Variants in PCDHGA1 observed in about 807,000 individuals in gnomAD.
PCDHGA1 encodes protocadherin gamma subfamily A, 1.
Under a neutral mutation model 58.0 loss-of-function variants are expected in PCDHGA1, and 32 were observed. That is an observed-to-expected ratio of 0.55 (90% CI 0.42 to 0.74). The LOEUF (loss-of-function observed/expected upper bound fraction) is 0.74. PCDHGA1 is among the 30% of genes least tolerant of loss of function. The pLI is 0.00. For synonymous variants in PCDHGA1, 498 were observed against 501.1 expected, an observed-to-expected ratio of 0.99 and a Z score of 0.08; for missense variants, 1,205 against 1,182.3, an observed-to-expected ratio of 1.02 and a Z score of -0.28.
At position 141,485,398 on chromosome 5, in the gene PCDHGA1, C is replaced by T. The variant is rs906016330; in HGVS notation, c.2422-9409C>T. The T allele has an allele frequency of 1.3e-5, 21 of 1,614,044 alleles. No individual in the cohort carries two copies. The highest frequency in any genetic ancestry group is 1.8e-5 in the Non-Finnish European group (21 of 1,179,928). On this transcript the variant is annotated intron_variant, in intron 1 of 3. Coordinates refer to ENST00000517417, the MANE Select transcript of PCDHGA1 (RefSeq NM_018912.3). This position sits in a 1 kb window ranked among gnomAD's most constrained non-coding sequence, Gnocchi z 5.7. ...CTGGAGAGGTGAACCAAAGACACTT[C>T]CGTGTGGATTTGGACAGCGGAGCCC...
chr5:141,398,740 CAG>C (rs759927246), intron 1 of PCDHGA1: 11 of 1,613,746 alleles, frequency 6.8e-6, no homozygotes, highest in Non-Finnish European at 1.7e-6. Context: ...CCGGGAACAA[CAG>C]AGTTACCATC....
intron 1 of PCDHGA1, chr5:141,340,026 C>A: frequency 6.2e-7 from 1 of 1,614,162 alleles, no homozygotes; most frequent in Non-Finnish European, 8.5e-7. Flanking sequence ...ATGACATCTG[C>A]TACTAGCTCA....
chr5:141,506,177 G>T (rs1024892091), intron 3 of PCDHGA1, among the ~76,000 whole-genome samples: 4 of 152,142 alleles, frequency 2.6e-5, no homozygotes, highest in African/African-American at 9.7e-5. Context: ...TAAGCTGGGC[G>T]TGGTGGCTCA....
intron 1 of PCDHGA1, chr5:141,403,457 A>G: frequency 6.2e-7 from 1 of 1,613,982 alleles, no homozygotes; most frequent in Non-Finnish European, 8.5e-7. Context: ...CTCCCTCCAG[A>G]GCTACCAGCT....
intron 1 of PCDHGA1, chr5:141,344,754 A>G (rs1365103964): frequency 6.2e-7 from 1 of 1,613,796 alleles, no homozygotes; most frequent in Non-Finnish European, 8.5e-7. Flanking sequence ...CAACCCACCA[A>G]TGTTTACTCA....
At chr5:141,339,786 GCTACTACGC>G in intron 1 of PCDHGA1, 1 of 1,614,200 alleles carries the variant, frequency 6.2e-7, no homozygotes, top group Non-Finnish European at 8.5e-7. Flanking sequence ...GCAGATGAGG[GCTACTACGC>G]TCAAGTGGTA....
At position 141,432,783 on chromosome 5, in the gene PCDHGA1, T is replaced by G; in HGVS notation, c.2422-62024T>G. The G allele has an allele frequency of 6.2e-7, 1 of 1,614,118 alleles. No individual in the cohort carries two copies. On this transcript the variant is annotated intron_variant, in intron 1 of 3. Transcript: ENST00000517417. The surrounding 1 kb of genome is among the most constrained non-coding windows in gnomAD (Gnocchi z 6.0). ...AGCATCCCCCAAGTCCTGGCGGACC[T>G]CGGCAGCCTCGAGTCTCCAGCTAAC...
At chr5:141,373,374 A>C (rs548052832) in intron 1 of PCDHGA1, among the ~76,000 whole-genome samples, 1 of 152,352 alleles carries the variant, frequency 6.6e-6, no homozygotes, top group African/African-American at 2.4e-5. Flanking sequence ...GAATTGGTTC[A>C]AAATGTGTTT....
At chr5:141,392,980 C>T (rs1327544903) in intron 1 of PCDHGA1, 1 of 1,613,716 alleles carries the variant, frequency 6.2e-7, no homozygotes, top group Non-Finnish European at 8.5e-7. Context: ...GGGCTGGACC[C>T]CCGGAAGCTG....
At chr5:141,365,095 A>G in intron 1 of PCDHGA1, 2 of 1,613,810 alleles carry the variant, frequency 1.2e-6, no homozygotes, top group Non-Finnish European at 1.7e-6. Context: ...CAGAGAACAT[A>G]CCTGTGGGCA....
chr5:141,481,676 G>T (rs975849679), intron 1 of PCDHGA1, among the ~76,000 whole-genome samples: 1 of 152,028 alleles, frequency 6.6e-6, no homozygotes, highest in Non-Finnish European at 1.5e-5. Flanking sequence ...AAATCAGGCC[G>T]GGCCTGGTGG....
At chr5:141,384,058 C>T (rs1246180478) in intron 1 of PCDHGA1, 2 of 1,609,504 alleles carry the variant, frequency 1.2e-6, no homozygotes, top group Non-Finnish European at 1.7e-6. Context: ...CTGCACCATT[C>T]CAGAAAACCT....
intron 1 of PCDHGA1, among the ~76,000 whole-genome samples, chr5:141,405,840 A>G (rs1005736499): frequency 6.6e-6 from 1 of 152,188 alleles, no homozygotes; most frequent in African/African-American, 2.4e-5. Flanking sequence ...GTATAAGTTG[A>G]TATCAGTGTG....
chr5:141,342,305 C>T (rs986189141), intron 1 of PCDHGA1: 1 of 152,144 alleles, frequency 6.6e-6, no homozygotes, highest in African/African-American at 2.4e-5. Flanking sequence ...GTTCCCAATC[C>T]CTCACCCAAT....
chr5:141,443,561 C>T (rs1487096752), intron 1 of PCDHGA1, among the ~76,000 whole-genome samples: 3 of 152,118 alleles, frequency 2.0e-5, no homozygotes, highest in Non-Finnish European at 1.5e-5. Context: ...AATTCAAATG[C>T]TTTAAATGGA....
intron 2 of PCDHGA1, among the ~76,000 whole-genome samples, chr5:141,496,406 G>C (rs1485949584): frequency 6.6e-6 from 1 of 152,160 alleles, no homozygotes; most frequent in African/African-American, 2.4e-5. Flanking sequence ...CTCAATGGTT[G>C]AGTACTTGCT....
intron 1 of PCDHGA1, chr5:141,365,502 C>A (rs373907411): frequency 7.6e-5 from 122 of 1,613,800 alleles, no homozygotes; most frequent in Admixed American, 1.3e-4. Context: ...AGGAATTTGC[C>A]TTTTAAATTG....
chr5:141,411,184 G>A (rs1478666914), intron 1 of PCDHGA1: 1 of 152,108 alleles, frequency 6.6e-6, no homozygotes, highest in Admixed American at 6.6e-5. Context: ...AGTGGTCTTG[G>A]CATCTAAGAA....
chr5:141,352,361 C>T, intron 1 of PCDHGA1: 1 of 1,614,054 alleles, frequency 6.2e-7, no homozygotes, highest in Non-Finnish European at 8.5e-7. Context: ...GCTCTTTCTC[C>T]TCGCGGTGAT....
Sources: gnomAD v4.1 joint callset for allele counts (sites outside exome capture counted in the v4.1 genomes callset) on GRCh38, gnomAD v4.1.1 for gene constraint, Gnocchi (gnomAD v3.1) non-coding constraint, MANE v1.5 for transcripts, NCBI Gene and HGNC (gene_info 2026-07-23, HGNC 2026-07-21) for gene names.